The following IGF2BP3 variants were observed in gnomAD, a reference collection of about 807,000 sequenced individuals.
The protein encoded by IGF2BP3 is insulin-like growth factor 2 mRNA-binding protein 3.
A neutral mutation model predicts 73.8 loss-of-function variants in IGF2BP3; 9 were observed. The observed-to-expected ratio is 0.12, with a 90% CI of 0.07 to 0.21. IGF2BP3 has a LOEUF of 0.21. IGF2BP3 is among the 10% of genes least tolerant of loss of function. The pLI, the probability that IGF2BP3 is intolerant of heterozygous loss-of-function variation, is 1.00. For missense variants in IGF2BP3, 542 were observed against 714.0 expected, an observed-to-expected ratio of 0.76 and a Z score of 2.75; for synonymous variants, 258 against 256.7, an observed-to-expected ratio of 1.01 and a Z score of -0.05.
At chr7:23,352,206 G>C (rs1784979412) in intron 5 of IGF2BP3, among the ~76,000 whole-genome samples, 1 of 147,930 alleles carries the variant, frequency 6.8e-6, no homozygotes, top group Admixed American at 6.6e-5. Context: ...AAGAGGCAGG[G>C]GTGGTGATAA....
intron 2 of IGF2BP3, among the ~76,000 whole-genome samples, chr7:23,462,364 CTTTT>C (rs60416705): frequency 1.4e-5 from 2 of 143,222 alleles, no homozygotes; most frequent in Non-Finnish European, 3.1e-5. Context: ...AAGAATATTT[CTTTT>C]TTTTTTTTTT....
chr7:23,406,359 G>A (rs536683723), intron 3 of IGF2BP3, among the ~76,000 whole-genome samples: 3 of 152,094 alleles, frequency 2.0e-5, no homozygotes, highest in Non-Finnish European at 4.4e-5. Context: ...AATTGTGTCC[G>A]GAATTGGTTT....
chr7:23,467,101 C>T (rs989098262), intron 2 of IGF2BP3, among the ~76,000 whole-genome samples: 1 of 152,070 alleles, frequency 6.6e-6, no homozygotes, highest in Admixed American at 6.5e-5. Context: ...ATCATGTGAC[C>T]CCTACCAAAA....
At chr7:23,394,698 A>C (rs2128522568) in intron 3 of IGF2BP3, 1 of 152,370 alleles carries the variant, frequency 6.6e-6, no homozygotes, top group Non-Finnish European at 1.5e-5. Flanking sequence ...CTGGTAGCCA[A>C]GGGAAGCATA....
chr7:23,446,050 G>A (rs1438960646), intron 2 of IGF2BP3, among the ~76,000 whole-genome samples: 1 of 152,096 alleles, frequency 6.6e-6, no homozygotes, highest in Non-Finnish European at 1.5e-5. Context: ...ATAATCTTTG[G>A]ACATTAGATG....
At position 23,406,520 on chromosome 7, in the gene IGF2BP3, G is replaced by C. The variant is rs145498104; in HGVS notation, c.285+12256C>G. ...GTTTCTTCCTTCCAGTGGGTTCGTG[G>C]TCTTGCTGACTTCAGGAGTGAAGCC... On this transcript the variant is annotated intron_variant, in intron 3 of 14. Transcript: ENST00000258729. Among the ~76,000 whole-genome samples, 59 of 152,228 alleles carry C rather than the reference G, an allele frequency of 3.9e-4. 1 individual carries two copies. In the East Asian group the frequency reaches 0.011, roughly 29 times the overall value.
intron 2 of IGF2BP3, among the ~76,000 whole-genome samples, chr7:23,468,158 C>T (rs1788612893): frequency 6.6e-6 from 1 of 152,198 alleles, no homozygotes; most frequent in South Asian, 2.1e-4. Context: ...GCCCTGCAAA[C>T]CCCCCAAACT....
intron 2 of IGF2BP3, among the ~76,000 whole-genome samples, chr7:23,435,802 G>A (rs1366548828): frequency 6.6e-6 from 1 of 151,994 alleles, no homozygotes; most frequent in Non-Finnish European, 1.5e-5. Context: ...CTGCAGCCCA[G>A]GCTGGAGGGC....
intron 2 of IGF2BP3, among the ~76,000 whole-genome samples, chr7:23,468,280 G>A (rs1788615906): frequency 6.6e-6 from 1 of 152,146 alleles, no homozygotes; most frequent in Non-Finnish European, 1.5e-5. Context: ...CCGCGGCAGA[G>A]GCCACAGAAA....
At chr7:23,318,036 G>A (rs1451295323) in intron 11 of IGF2BP3, among the ~76,000 whole-genome samples, 1 of 152,122 alleles carries the variant, frequency 6.6e-6, no homozygotes, top group East Asian at 1.9e-4. Context: ...GAGTTATCTG[G>A]ACCATGATCA....
intron 2 of IGF2BP3, among the ~76,000 whole-genome samples, chr7:23,422,859 A>T (rs565746345): frequency 6.6e-6 from 1 of 152,282 alleles, no homozygotes; most frequent in Admixed American, 6.5e-5. Context: ...ATAGTAGCGT[A>T]ATCTCGGCTC....
chr7:23,382,019 G>A (rs1235141098), intron 3 of IGF2BP3, among the ~76,000 whole-genome samples: 1 of 152,182 alleles, frequency 6.6e-6, no homozygotes, highest in African/African-American at 2.4e-5. Flanking sequence ...ACCTTGGGAG[G>A]CTGAGGCGGG....
At chr7:23,444,650 C>T (rs765156882) in intron 2 of IGF2BP3, among the ~76,000 whole-genome samples, 1 of 128,476 alleles carries the variant, frequency 7.8e-6, no homozygotes, top group African/African-American at 2.9e-5. Context: ...GGCTGAGGCA[C>T]GAGAATCGCT....
Position 23,342,102 on chromosome 7 carries a change from G to A in IGF2BP3, c.1165C>T (p.Pro389Ser), listed in dbSNP as rs766457068. The A allele has an allele frequency of 7.5e-6, 12 of 1,605,852 alleles. No homozygotes were observed. Among genetic ancestry groups the A allele is most frequent in the African/African-American group, 1.3e-5 (1 of 74,404 alleles). Residue 389 changes from proline to serine, a missense_variant, in exon 10 of 15, where the codon CCC (proline) becomes TCC (serine). Transcript: ENST00000258729. Reference protein sequence around the residue: ...TSGMPPPTSGPPSAMTPPYPQ... With the variant: ...TSGMPPPTSGSPSAMTPPYPQ... ...TAGGGAGGAGTCATGGCTGAAGGGG[G>A]CCCTGAGGTGGGAGGTGGCATCCCT...
intron 2 of IGF2BP3, among the ~76,000 whole-genome samples, chr7:23,441,094 A>C (rs1457558647): frequency 6.6e-6 from 1 of 152,090 alleles, no homozygotes; most frequent in Admixed American, 6.6e-5. Flanking sequence ...TTTTTGGTCT[A>C]CCATTTCAAG....
At chr7:23,355,242 G>A (rs1285078830) in intron 5 of IGF2BP3, among the ~76,000 whole-genome samples, 4 of 144,460 alleles carry the variant, frequency 2.8e-5, no homozygotes, top group African/African-American at 1.1e-4. Flanking sequence ...TTTTTTTTGA[G>A]ACAGAGTCTC....
chr7:23,432,000 G>T (rs1276954386), intron 2 of IGF2BP3, among the ~76,000 whole-genome samples: 4 of 152,170 alleles, frequency 2.6e-5, no homozygotes, highest in African/African-American at 4.8e-5. Flanking sequence ...TAAACAATGA[G>T]CAAGGGAACA....
chr7:23,314,181 CTT>C (rs1783910867), intron 12 of IGF2BP3, among the ~76,000 whole-genome samples: 1 of 148,896 alleles, frequency 6.7e-6, no homozygotes, highest in South Asian at 2.1e-4. Flanking sequence ...CCACACCTGA[CTT>C]ATTTTTTTTT....
intron 3 of IGF2BP3, among the ~76,000 whole-genome samples, chr7:23,377,174 A>T (rs1386060852): frequency 6.6e-6 from 1 of 152,224 alleles, no homozygotes; most frequent in East Asian, 1.9e-4. Context: ...AAAGAACACT[A>T]TCAAGAAAGT....
Sources: gnomAD v4.1 joint callset for allele counts (sites outside exome capture counted in the v4.1 genomes callset) on GRCh38, gnomAD v4.1.1 for gene constraint, MANE v1.5 for transcripts, NCBI Gene and HGNC (gene_info 2026-07-23, HGNC 2026-07-21) for gene names.